SLCO3A1: variants seen among roughly 807,000 people sequenced by gnomAD.
SLCO3A1 encodes PGE1 transporter.
Under a neutral mutation model 63.1 loss-of-function variants are expected in SLCO3A1, and 27 were observed. The observed-to-expected ratio is 0.43, with a 90% CI of 0.32 to 0.59. The LOEUF (loss-of-function observed/expected upper bound fraction) is 0.59, where lower values mean the gene tolerates loss of function less well. Ranked by LOEUF, SLCO3A1 falls within the 20% of genes least tolerant of loss-of-function variation. The pLI, the probability that SLCO3A1 is intolerant of heterozygous loss-of-function variation, is 0.09. For synonymous variants in SLCO3A1, 473 were observed against 409.9 expected, an observed-to-expected ratio of 1.15 and a Z score of -1.86; for missense variants, 773 against 945.8, an observed-to-expected ratio of 0.82 and a Z score of 2.40.
chr15:91,933,785 A>G (rs1156521307), intron 2 of SLCO3A1, among the ~76,000 whole-genome samples: 2 of 152,238 alleles, frequency 1.3e-5, no homozygotes, highest in East Asian at 3.8e-4. Context: ...TAACTTGCCC[A>G]AGGTCTCAGA....
rs186479041 is a variant in SLCO3A1 at position 91,982,448 on chromosome 15, G to T, written c.646+65990G>T. On this transcript the variant is annotated intron_variant, in intron 2 of 9. Transcript: ENST00000318445. ...GATTCCTTTAAGGGTTCATAAGATTGATCTCCAGTTAAGCAGTATTTTCAA... is the reference window on the plus strand; with the variant it reads ...GATTCCTTTAAGGGTTCATAAGATTTATCTCCAGTTAAGCAGTATTTTCAA... 1.9e-3 allele frequency among the ~76,000 whole-genome samples: 296 copies of T among 152,368 alleles called. 3 individuals are homozygous for T. Among genetic ancestry groups the T allele is most frequent in the African/African-American group, 6.7e-3 (279 of 41,588 alleles).
chr15:91,911,104 C>A (rs1898471094), intron 1 of SLCO3A1, among the ~76,000 whole-genome samples: 1 of 152,228 alleles, frequency 6.6e-6, no homozygotes, highest in Non-Finnish European at 1.5e-5. Flanking sequence ...CTGAAGCTCT[C>A]CCTTTTGGGC....
intron 2 of SLCO3A1, among the ~76,000 whole-genome samples, chr15:92,067,190 GA>G (rs11317756): frequency 0.12 from 17,659 of 152,218 alleles, 1,163 homozygotes; most frequent in East Asian, 0.27. Flanking sequence ...CAGGCCAAGG[GA>G]ATAGGAGCCC....
chr15:92,057,389 G>A (rs978591989), intron 2 of SLCO3A1, among the ~76,000 whole-genome samples: 2 of 152,206 alleles, frequency 1.3e-5, no homozygotes, highest in African/African-American at 2.4e-5. Context: ...GCTTTTTCCT[G>A]AAGATAATGG....
At chr15:92,126,594 C>T (rs1392905946) in intron 6 of SLCO3A1, among the ~76,000 whole-genome samples, 1 of 152,078 alleles carries the variant, frequency 6.6e-6, no homozygotes, top group Non-Finnish European at 1.5e-5. Context: ...AAATAAAAGA[C>T]AGAATTGATT....
At chr15:91,987,244 C>T (rs1193226617) in intron 2 of SLCO3A1, among the ~76,000 whole-genome samples, 1 of 152,144 alleles carries the variant, frequency 6.6e-6, no homozygotes, top group Admixed American at 6.5e-5. Context: ...GGGGAGCATA[C>T]ATCTGCCTTT....
intron 7 of SLCO3A1, among the ~76,000 whole-genome samples, chr15:92,146,546 A>G (rs1159067086): frequency 2.6e-5 from 4 of 152,250 alleles, no homozygotes. Flanking sequence ...CTCCACCAGC[A>G]ACAATATGCG....
intron 1 of SLCO3A1, among the ~76,000 whole-genome samples, chr15:91,901,880 G>A (rs974532542): frequency 2.0e-5 from 3 of 148,646 alleles, no homozygotes; most frequent in Non-Finnish European, 4.4e-5. Context: ...CTACATTTTG[G>A]ATGTTTGGGC....
downstream of SLCO3A1, among the ~76,000 whole-genome samples, chr15:92,170,538 C>T (rs1329795966): frequency 3.9e-5 from 6 of 152,188 alleles, no homozygotes; most frequent in African/African-American, 1.4e-4. Context: ...AGATCTGACT[C>T]CTAAACCAGT....
At chr15:92,069,628 T>TG (rs905908893) in intron 2 of SLCO3A1, among the ~76,000 whole-genome samples, 30 of 152,152 alleles carry the variant, frequency 2.0e-4, no homozygotes, top group Admixed American at 3.9e-4. Flanking sequence ...ACCAGGACCT[T>TG]GGGGGCAGAG....
chr15:92,071,867 G>A (rs2047219510), intron 2 of SLCO3A1, among the ~76,000 whole-genome samples: 1 of 152,232 alleles, frequency 6.6e-6, no homozygotes, highest in Non-Finnish European at 1.5e-5. Flanking sequence ...ATGTGTCTTA[G>A]TCGTAATCTG....
chr15:91,920,669 A>C (rs1047744053), intron 2 of SLCO3A1, among the ~76,000 whole-genome samples: 1 of 152,120 alleles, frequency 6.6e-6, no homozygotes, highest in Non-Finnish European at 1.5e-5. Flanking sequence ...CATGCCATTC[A>C]TTCTGTTTTT....
intron 2 of SLCO3A1, among the ~76,000 whole-genome samples, chr15:91,966,191 C>T (rs959277562): frequency 6.6e-6 from 1 of 151,936 alleles, no homozygotes; most frequent in Non-Finnish European, 1.5e-5. Context: ...CGGCTGGCAG[C>T]CCCAGCCACA....
At chr15:92,075,338 C>G (rs1194645117) in intron 2 of SLCO3A1, among the ~76,000 whole-genome samples, 6 of 152,122 alleles carry the variant, frequency 3.9e-5, no homozygotes, top group Non-Finnish European at 8.8e-5. Context: ...AAAGCCCCTC[C>G]AGGAGGTAAT....
intron 2 of SLCO3A1, among the ~76,000 whole-genome samples, chr15:91,992,895 C>T (rs150101931): frequency 4.6e-5 from 7 of 152,262 alleles, no homozygotes; most frequent in Admixed American, 2.0e-4. Flanking sequence ...GGCATTTCCC[C>T]ATATCTGAAC....
intron 2 of SLCO3A1, among the ~76,000 whole-genome samples, chr15:91,944,780 T>C (rs1027111044): frequency 5.9e-5 from 9 of 152,148 alleles, no homozygotes; most frequent in African/African-American, 2.2e-4. Flanking sequence ...GCAGAACTGA[T>C]GATGGCCATC....
chr15:92,026,841 C>G (rs1039491171), intron 2 of SLCO3A1, among the ~76,000 whole-genome samples: 14 of 152,208 alleles, frequency 9.2e-5, no homozygotes, highest in Admixed American at 7.2e-4. Flanking sequence ...GTAATCCCAG[C>G]ATTTTCGGAG....
chr15:91,931,341 G>A (rs1195722646), intron 2 of SLCO3A1, among the ~76,000 whole-genome samples: 1 of 152,164 alleles, frequency 6.6e-6, no homozygotes, highest in East Asian at 1.9e-4. Context: ...ATATAGCTAG[G>A]ATGAAGCATT....
At chr15:92,090,937 G>C (rs1426427908) in intron 2 of SLCO3A1, among the ~76,000 whole-genome samples, 1 of 152,170 alleles carries the variant, frequency 6.6e-6, no homozygotes, top group East Asian at 1.9e-4. Context: ...AAGAAGCTGA[G>C]GCATGGGAGG....
Sources: allele counts gnomAD v4.1 joint callset (sites outside exome capture counted in the v4.1 genomes callset), GRCh38; gene constraint gnomAD v4.1.1; transcripts MANE v1.5; gene names NCBI Gene and HGNC (gene_info 2026-07-23, HGNC 2026-07-21).